Variants in LYPLAL1 observed in about 807,000 individuals in gnomAD.
LYPLAL1 encodes the protein lysophospholipase like 1.
LYPLAL1 carries 23 observed loss-of-function variants against 19.7 expected under a neutral mutation model. The observed-to-expected ratio is 1.17, with a 90% confidence interval of 0.84 to 1.65. The LOEUF (loss-of-function observed/expected upper bound fraction) is 1.65, where lower values mean the gene tolerates loss of function less well. Ranked by LOEUF, LYPLAL1 falls within the 40% of genes most tolerant of loss-of-function variation. The pLI, the probability that LYPLAL1 is intolerant of heterozygous loss-of-function variation, is 0.00. For missense variants in LYPLAL1, 355 were observed against 279.4 expected, an observed-to-expected ratio of 1.27 and a Z score of -1.93; for synonymous variants, 119 against 96.3, an observed-to-expected ratio of 1.24 and a Z score of -1.38.
the LYPLAL1 span, among the ~76,000 whole-genome samples, chr1:219,239,688 A>T: frequency 1.5e-4 from 23 of 152,220 alleles, no homozygotes; most frequent in Non-Finnish European, 2.6e-4. Context: ...TAAACTCCTG[A>T]CAAGTAAGGA....
the LYPLAL1 span, among the ~76,000 whole-genome samples, chr1:219,250,758 T>G: frequency 2.0e-5 from 3 of 152,122 alleles, no homozygotes; most frequent in East Asian, 5.8e-4. Context: ...AGTGCTGCAA[T>G]GAACATTCAC....
intron 3 of LYPLAL1, among the ~76,000 whole-genome samples, chr1:219,194,939 A>C (rs1456967962): frequency 6.6e-6 from 1 of 152,070 alleles, no homozygotes; most frequent in African/African-American, 2.4e-5. Context: ...AGTTGGCTGT[A>C]ACAAAGTTTG....
intron 1 of LYPLAL1, 131 bp downstream of exon 1, chr1:219,174,112 G>A: frequency 2.0e-6 from 3 of 1,480,194 alleles, no homozygotes; most frequent in Non-Finnish European, 2.7e-6. Flanking sequence ...CCCGTCGCCA[G>A]CCCCGGCTGT....
chr1:219,444,579 T>C, the LYPLAL1 span, among the ~76,000 whole-genome samples: 1 of 152,240 alleles, frequency 6.6e-6, no homozygotes, highest in Non-Finnish European at 1.5e-5. Context: ...AAACAGTTCC[T>C]GTTCTATTAC....
chr1:219,177,152 T>C (rs1655884400), intron 1 of LYPLAL1, among the ~76,000 whole-genome samples: 1 of 152,084 alleles, frequency 6.6e-6, no homozygotes, highest in Non-Finnish European at 1.5e-5. Flanking sequence ...AGTCGGAGGC[T>C]CCAGGGTAGG....
intron 1 of LYPLAL1, among the ~76,000 whole-genome samples, chr1:219,175,729 G>A (rs377211234): frequency 4.1e-4 from 63 of 152,178 alleles, no homozygotes; most frequent in African/African-American, 1.5e-3. Context: ...CTTATTGGGA[G>A]TAGGTCTTTA....
At chr1:219,199,199 T>C (rs2125083827) in intron 3 of LYPLAL1, among the ~76,000 whole-genome samples, 1 of 152,310 alleles carries the variant, frequency 6.6e-6, no homozygotes, top group East Asian at 1.9e-4. Flanking sequence ...ACAAATTCTT[T>C]TAGGTATGAT....
In LYPLAL1 at chr1:219,211,834, T is replaced by C. The variant is rs1659070528; in HGVS notation, c.*106T>C. ...AAAATATTAAGAAATAACACTTTCC[T>C]GACTTTTTTATTATTAAAATGCTTA... is the stretch of plus-strand genomic sequence containing the variant. On this transcript the variant is annotated 3_prime_UTR_variant, in exon 5 of 5. Transcript: ENST00000366928. The C allele has an allele frequency of 6.9e-6, 5 of 729,516 alleles. No homozygotes were observed. The highest frequency in any genetic ancestry group is 1.1e-5 in the Non-Finnish European group (5 of 464,588). 45.2% of individuals were successfully genotyped at this position (729,516 alleles called of 1,614,324 possible).
the LYPLAL1 span, among the ~76,000 whole-genome samples, chr1:219,250,216 A>T: frequency 6.6e-6 from 1 of 151,930 alleles, no homozygotes; most frequent in Non-Finnish European, 1.5e-5. Flanking sequence ...AGGAATCAAG[A>T]TTCACTTTTT....
chr1:219,263,630 C>T, the LYPLAL1 span, among the ~76,000 whole-genome samples: 1 of 152,130 alleles, frequency 6.6e-6, no homozygotes, highest in African/African-American at 2.4e-5. Context: ...TGGCTACCTT[C>T]TCCAAGGACC....
At chr1:219,346,875 C>CAG in the LYPLAL1 span, among the ~76,000 whole-genome samples, 1 of 152,106 alleles carries the variant, frequency 6.6e-6, no homozygotes, top group African/African-American at 2.4e-5. Context: ...GAAACCTGGG[C>CAG]AGAGAGAGAG....
At chr1:219,251,058 G>T in the LYPLAL1 span, among the ~76,000 whole-genome samples, 1 of 152,008 alleles carries the variant, frequency 6.6e-6, no homozygotes, top group African/African-American at 2.4e-5. Context: ...AATGATCAGA[G>T]ATAGTGAATT....
the LYPLAL1 span, among the ~76,000 whole-genome samples, chr1:219,284,453 AT>A: frequency 6.6e-6 from 1 of 152,182 alleles, no homozygotes; most frequent in African/African-American, 2.4e-5. Flanking sequence ...ATTATTACAC[AT>A]TACATGCCTG....
chr1:219,285,655 C>T, the LYPLAL1 span, among the ~76,000 whole-genome samples: 10 of 151,892 alleles, frequency 6.6e-5, no homozygotes, highest in African/African-American at 1.7e-4. Context: ...TTATGTGAAA[C>T]GTCCAGAATA....
the LYPLAL1 span, among the ~76,000 whole-genome samples, chr1:219,359,205 T>C: frequency 2.0e-5 from 3 of 152,192 alleles, no homozygotes; most frequent in African/African-American, 7.2e-5. Context: ...TTCTGGCTAA[T>C]TACTAATGTT....
At chr1:219,252,525 G>A in the LYPLAL1 span, among the ~76,000 whole-genome samples, 6 of 152,126 alleles carry the variant, frequency 3.9e-5, no homozygotes, top group African/African-American at 1.4e-4. Flanking sequence ...GCCTTTTTCT[G>A]TATCTATTGA....
chr1:219,221,103 C>G, the LYPLAL1 span, among the ~76,000 whole-genome samples: 3 of 152,192 alleles, frequency 2.0e-5, no homozygotes, highest in Non-Finnish European at 4.4e-5. Flanking sequence ...GTTGCCTACG[C>G]ATCAAGAGTA....
intron 1 of LYPLAL1, among the ~76,000 whole-genome samples, chr1:219,177,532 C>T (rs1655919147): frequency 6.6e-6 from 1 of 152,088 alleles, no homozygotes; most frequent in Non-Finnish European, 1.5e-5. Context: ...CCTGTGTATG[C>T]CTGTTGCTTA....
chr1:219,443,607 C>T, the LYPLAL1 span, among the ~76,000 whole-genome samples: 104 of 151,616 alleles, frequency 6.9e-4, no homozygotes, highest in Non-Finnish European at 1.4e-3. Flanking sequence ...GAACACATAA[C>T]GAAAATAGCT....
Sources: gnomAD v4.1 joint callset for allele counts (sites outside exome capture counted in the v4.1 genomes callset) on GRCh38, gnomAD v4.1.1 for gene constraint, MANE v1.5 for transcripts, NCBI Gene and HGNC (gene_info 2026-07-23, HGNC 2026-07-21) for gene names.